The following NR1D2 variants were observed in gnomAD, a reference collection of about 807,000 sequenced individuals.
NR1D2 encodes V-erbA-related protein 1-related.
Under a neutral mutation model 52.2 loss-of-function variants are expected in NR1D2, and 25 were observed. The ratio of observed to expected loss-of-function variants is 0.48; its 90% CI spans 0.35 to 0.67. The LOEUF is 0.67. NR1D2 is among the 30% of genes least tolerant of loss of function. The probability of loss-of-function intolerance (pLI) is 0.01; values close to 1 mark genes in which losing one functional copy is unlikely to be tolerated. For missense variants in NR1D2, 681 were observed against 707.2 expected (o/e 0.96, Z 0.42); for synonymous variants, 259 against 230.1 (o/e 1.13, Z -1.14).
intron 5 of NR1D2, chr3:23,963,410 G>A (rs974488518): frequency 2.4e-6 from 3 of 1,227,144 alleles, no homozygotes; most frequent in African/African-American, 3.2e-5. Flanking sequence ...GTCACTTGGA[G>A]TTATTTGATT....
chr3:23,945,823 CG>C (rs1228734399), intron 1 of NR1D2, among the ~76,000 whole-genome samples: 7 of 150,608 alleles, frequency 4.6e-5, no homozygotes, highest in African/African-American at 1.7e-4. Context: ...GCGCCCGGCC[CG>C]GCCCCCCCCT....
intron 7 of NR1D2, among the ~76,000 whole-genome samples, chr3:23,969,312 A>C (rs528908595): frequency 1.1e-3 from 166 of 152,120 alleles, no homozygotes; most frequent in Admixed American, 1.7e-3. Context: ...AAAACAACAA[A>C]AAAAAAACAA....
chr3:23,954,873 A>G, intron 2 of NR1D2, 70 bp downstream of exon 2: 1 of 1,441,636 alleles, frequency 6.9e-7, no homozygotes. Context: ...TCAGCTTTTC[A>G]TTTAGGTGGC....
At chr3:23,968,347 T>C (rs111382582) in intron 7 of NR1D2, among the ~76,000 whole-genome samples, 108 of 152,362 alleles carry the variant, frequency 7.1e-4, no homozygotes, top group African/African-American at 1.4e-3. Flanking sequence ...TCCAGGTAGG[T>C]AGTTGTAATA....
rs563656376 is a variant in NR1D2, at chr3:23,979,962, C to T, written c.*2543C>T. On this transcript the variant is annotated 3_prime_UTR_variant, in exon 8 of 8. Coordinates refer to ENST00000312521, the MANE Select transcript of NR1D2 (RefSeq NM_005126.5). The stretch of plus-strand genomic sequence containing the variant: ...TCAGCAAGCTAAAACATTTTTTTTC[C>T]TGTGCTTTTAATGTATCTCTTTACA... 1 of 152,046 alleles carries T rather than the reference C, an allele frequency of 6.6e-6. No homozygotes were observed. Among genetic ancestry groups the T allele is most frequent in the African/African-American group, 2.4e-5 (1 of 41,510 alleles). 9.4% of individuals were successfully genotyped at this position (152,046 alleles called of 1,614,324 possible).
At chr3:23,955,302 T>C (rs575350318) in intron 2 of NR1D2, among the ~76,000 whole-genome samples, 1 of 152,220 alleles carries the variant, frequency 6.6e-6, no homozygotes. Context: ...TTTCCACCTT[T>C]TATTGATTGA....
chr3:23,968,465 T>G (rs901991938), intron 7 of NR1D2, among the ~76,000 whole-genome samples: 4 of 152,240 alleles, frequency 2.6e-5, no homozygotes, highest in African/African-American at 9.6e-5. Context: ...AGTTGTAGGC[T>G]TTAGTCCAGT....
chr3:23,974,544 C>G (rs995219896), intron 7 of NR1D2, among the ~76,000 whole-genome samples: 1 of 151,890 alleles, frequency 6.6e-6, no homozygotes, highest in South Asian at 2.1e-4. Flanking sequence ...TTTTGTTCAC[C>G]GCTGATTTCC....
In NR1D2 at chr3:23,977,216, C is replaced by T; in HGVS notation, c.1544-7C>T. The T allele has an allele frequency of 6.5e-7, 1 of 1,549,824 alleles. No homozygotes were observed. The highest frequency in any genetic ancestry group is 1.7e-4 in the Middle Eastern group (1 of 5,788). On this transcript the variant is annotated splice_region_variant and splice_polypyrimidine_tract_variant and intron_variant, in intron 7 of 7. Coordinates refer to ENST00000312521, the MANE Select transcript of NR1D2 (RefSeq NM_005126.5). ...TTTCCTATTTCCCTATTCCTGATCT[C>T]TCTTAGATCGATCTGGAATAGAAAA... is the stretch of plus-strand genomic sequence containing the variant.
chr3:23,950,136 A>T (rs1409916224), intron 1 of NR1D2, among the ~76,000 whole-genome samples: 1 of 152,252 alleles, frequency 6.6e-6, no homozygotes. Context: ...TTACTTTATC[A>T]TCAAAAACAG....
rs869108010 is a variant in NR1D2, at chr3:23,961,389, C to CTTTTTTTTTTTTTTTTTT, written c.518-581_518-564dup. On this transcript the variant is annotated intron_variant, in intron 4 of 7. Coordinates refer to ENST00000312521, the MANE Select transcript of NR1D2 (RefSeq NM_005126.5). ...TCATATTTCTTTTTTCTTTTTCTTTCTTTTTTTTTTTTTTTTTTTTTTTTA... is the reference window on the plus strand; with the variant it reads ...TCATATTTCTTTTTTCTTTTTCTTTCTTTTTTTTTTTTTTTTTTTTTTTTTTTTTTTTTTTTTTTTTTA... Among the ~76,000 whole-genome samples, 23 of 76,002 alleles carry CTTTTTTTTTTTTTTTTTT rather than the reference C, an allele frequency of 3.0e-4. 1 individual carries two copies. Among genetic ancestry groups the CTTTTTTTTTTTTTTTTTT allele is most frequent in the African/African-American group, 6.4e-4 (12 of 18,668 alleles). The allele number at this position is 76,002 out of a possible 152,430, so 49.9% of individuals were successfully genotyped here. A position where few individuals can be genotyped will look rare whatever the true frequency, so the allele number is the denominator to read the frequency against.
intron 1 of NR1D2, among the ~76,000 whole-genome samples, chr3:23,948,753 AT>A (rs1387194492): frequency 2.6e-5 from 4 of 152,208 alleles, no homozygotes; most frequent in African/African-American, 9.7e-5. Context: ...AATCCACAAA[AT>A]TTACTTGGGA....
At chr3:23,945,935 T>C (rs974255307) in intron 1 of NR1D2, among the ~76,000 whole-genome samples, 1 of 146,138 alleles carries the variant, frequency 6.8e-6, no homozygotes, top group Non-Finnish European at 1.5e-5. Flanking sequence ...CATTACATAA[T>C]GGGCGCTGAG....
chr3:23,945,677 G>T (rs1399755498), intron 1 of NR1D2, 83 bp downstream of exon 1: 6 of 952,248 alleles, frequency 6.3e-6, no homozygotes, highest in Non-Finnish European at 6.6e-6. Flanking sequence ...CGGCGGCAGG[G>T]GGTGTCCCCA....
chr3:23,969,275 G>A (rs1048840155), intron 7 of NR1D2, among the ~76,000 whole-genome samples: 1 of 152,000 alleles, frequency 6.6e-6, no homozygotes, highest in Non-Finnish European at 1.5e-5. Flanking sequence ...GTGACAGAGC[G>A]AGACTCCGTG....
chr3:23,962,211 A>T lies in NR1D2; in HGVS notation c.752A>T (p.Glu251Val), dbSNP rs1394576380. ...SSPPSSDFAK[E>V]EVIGMVTRAH... ...CCTCCATCTTCTGATTTTGCAAAGG[A>T]AGAAGTGATTGGCATGGTGACCAGA... The change falls in exon 5 of 8, where the codon GAA (glutamate) becomes GTA (valine). Residue 251 changes from glutamate (E) to valine (V), a missense_variant. Physicochemically the swap from Glu to Val is moderately radical, Grantham distance 121 (BLOSUM62 -2). Transcript: ENST00000312521. 6.2e-7 allele frequency: 1 copy of T among 1,614,212 alleles called. No homozygotes were observed. Among genetic ancestry groups the T allele is most frequent in the Non-Finnish European group, 8.5e-7 (1 of 1,180,030 alleles).
At chr3:23,969,996 G>A (rs1321898141) in intron 7 of NR1D2, among the ~76,000 whole-genome samples, 1 of 152,222 alleles carries the variant, frequency 6.6e-6, no homozygotes, top group African/African-American at 2.4e-5. Flanking sequence ...TTCAGAGTTA[G>A]GGGAGCACCA....
intron 1 of NR1D2, among the ~76,000 whole-genome samples, chr3:23,953,448 A>G (rs1705999995): frequency 6.6e-6 from 1 of 152,032 alleles, no homozygotes; most frequent in Non-Finnish European, 1.5e-5. Context: ...TGTAGAGGGA[A>G]TTAGCTTCAG....
At chr3:23,951,407 C>T (rs1306367479) in intron 1 of NR1D2, among the ~76,000 whole-genome samples, 1 of 152,104 alleles carries the variant, frequency 6.6e-6, no homozygotes, top group African/African-American at 2.4e-5. Flanking sequence ...GTGAGATCTT[C>T]CTTTGGAATT....
Sources: gnomAD v4.1 joint callset for allele counts (sites outside exome capture counted in the v4.1 genomes callset) on GRCh38, gnomAD v4.1.1 for gene constraint, MANE v1.5 for transcripts, NCBI Gene and HGNC (gene_info 2026-07-23, HGNC 2026-07-21) for gene names.